The following ROBO2 variants were observed in gnomAD, a reference collection of about 807,000 sequenced individuals.
The protein encoded by ROBO2 is roundabout homolog 2.
A neutral mutation model predicts 160.8 loss-of-function variants in ROBO2; 53 were observed. The ratio of observed to expected loss-of-function variants is 0.33; its 90% CI spans 0.26 to 0.41. The LOEUF (loss-of-function observed/expected upper bound fraction) is 0.41. Ranked by LOEUF, ROBO2 falls within the 10% of genes least tolerant of loss-of-function variation. ROBO2 has a pLI of 1.00. For missense variants in ROBO2, 1,577 were observed against 1,722.4 expected (o/e 0.92, Z 1.49); for synonymous variants, 664 against 611.7 (o/e 1.09, Z -1.26).
intron 2 of ROBO2, among the ~76,000 whole-genome samples, chr3:76,285,587 T>G (rs1033616718): frequency 1.3e-5 from 2 of 152,064 alleles, no homozygotes; most frequent in East Asian, 3.9e-4. Flanking sequence ...AATCGAATGT[T>G]CTTTTACATT....
In ROBO2 at chr3:76,024,065, T is replaced by C. The variant is rs191188388; in HGVS notation, c.109+86463T>C. Among the ~76,000 whole-genome samples the C allele has an allele frequency of 7.9e-5, 12 of 151,642 alleles. No homozygotes were observed. In the East Asian group the frequency reaches 2.3e-3, roughly 29 times the overall value. On this transcript the variant is annotated intron_variant, in intron 2 of 26. Coordinates refer to the ROBO2 transcript ENST00000487694. ...GTTTAACATCATCTCATTAGTTATA[T>C]ATATATTATATTCAGAATGTTTTCT...
intron 2 of ROBO2, among the ~76,000 whole-genome samples, chr3:77,388,141 T>TAC (rs60937023): frequency 0.045 from 6,548 of 146,944 alleles, 156 homozygotes; most frequent in East Asian, 0.078. Flanking sequence ...GATTCACACA[T>TAC]ACACACACAC....
chr3:76,801,851 C>T (rs2064224259), intron 2 of ROBO2, among the ~76,000 whole-genome samples: 1 of 152,110 alleles, frequency 6.6e-6, no homozygotes, highest in Non-Finnish European at 1.5e-5. Context: ...ACATGTGACT[C>T]CTTTTTTCAC....
chr3:77,601,005 A>G (rs1371510126), intron 19 of ROBO2, among the ~76,000 whole-genome samples: 1 of 152,208 alleles, frequency 6.6e-6, no homozygotes, highest in Non-Finnish European at 1.5e-5. Context: ...AACAAGCTCC[A>G]AACTTCAAAA....
chr3:77,051,909 G>A (rs1292319248), intron 1 of ROBO2, among the ~76,000 whole-genome samples: 2 of 152,164 alleles, frequency 1.3e-5, no homozygotes, highest in East Asian at 1.9e-4. Context: ...TACAGCAAGC[G>A]GACACGCTGA....
intron 2 of ROBO2, among the ~76,000 whole-genome samples, chr3:76,568,159 T>C (rs2084719661): frequency 6.6e-6 from 1 of 152,024 alleles, no homozygotes; most frequent in Non-Finnish European, 1.5e-5. Flanking sequence ...GCCTGCATAG[T>C]ATTCAACTAC....
intron 2 of ROBO2, among the ~76,000 whole-genome samples, chr3:76,768,033 G>T (rs1366550597): frequency 6.6e-6 from 1 of 151,358 alleles, no homozygotes; most frequent in African/African-American, 2.4e-5. Context: ...TAGCCAATTG[G>T]CACTGATACA....
intron 2 of ROBO2, among the ~76,000 whole-genome samples, chr3:76,911,914 A>T (rs1275349847): frequency 6.6e-6 from 1 of 152,110 alleles, no homozygotes; most frequent in African/African-American, 2.4e-5. Flanking sequence ...GGTTGCAGTG[A>T]GCTGTAATTG....
At chr3:76,975,205 C>A (rs772347657) in intron 2 of ROBO2, among the ~76,000 whole-genome samples, 3 of 152,092 alleles carry the variant, frequency 2.0e-5, no homozygotes, top group Non-Finnish European at 2.9e-5. Context: ...AGGCTTCAGA[C>A]CACATGTTAG....
chr3:77,059,362 A>G (rs1176086141), intron 1 of ROBO2, among the ~76,000 whole-genome samples: 2 of 152,228 alleles, frequency 1.3e-5, no homozygotes, highest in African/African-American at 4.8e-5. Flanking sequence ...TAAAAGAAAA[A>G]GGTAAGTACA....
intron 2 of ROBO2, among the ~76,000 whole-genome samples, chr3:76,701,563 T>C (rs1223772400): frequency 6.6e-6 from 1 of 152,192 alleles, no homozygotes; most frequent in Admixed American, 6.6e-5. Flanking sequence ...TGTTCAAGGC[T>C]TGCTCTTGAA....
intron 2 of ROBO2, among the ~76,000 whole-genome samples, chr3:77,283,490 C>T (rs866172750): frequency 2.6e-5 from 4 of 152,106 alleles, no homozygotes; most frequent in Admixed American, 6.6e-5. Flanking sequence ...ACTTCTAAAA[C>T]GTATAAGTGA....
In ROBO2 at chr3:77,143,174, C is replaced by CTTTTT. The variant is rs10546673; in HGVS notation, c.388+44860_388+44864dup. Reference sequence around the variant, plus strand: ...CAGACACCATTTTCTTAAACAGCAGCTTTTTTTTTTTTTTTTTTTTTTTTT... The same window carrying CTTTTT: ...CAGACACCATTTTCTTAAACAGCAGCTTTTTTTTTTTTTTTTTTTTTTTTTTTTTT... On this transcript the variant is annotated intron_variant, in intron 2 of 25. Coordinates refer to ENST00000461745, the Ensembl canonical transcript of ROBO2. Among the ~76,000 whole-genome samples the CTTTTT allele has an allele frequency of 8.4e-4, 50 of 59,718 alleles. 1 individual carries two copies. Among genetic ancestry groups the CTTTTT allele is most frequent in the African/African-American group, 2.7e-3 (43 of 15,682 alleles). The allele number at this position is 59,718 out of a possible 152,430, so 39.2% of individuals were successfully genotyped here.
intron 2 of ROBO2, among the ~76,000 whole-genome samples, chr3:76,764,522 C>T (rs2061473902): frequency 6.6e-6 from 1 of 151,698 alleles, no homozygotes; most frequent in Non-Finnish European, 1.5e-5. Context: ...AAACTCTTGA[C>T]CATGATTAAA....
At chr3:76,444,257 C>T (rs796435788) in intron 2 of ROBO2, among the ~76,000 whole-genome samples, 19 of 152,150 alleles carry the variant, frequency 1.2e-4, no homozygotes, top group South Asian at 4.2e-4. Context: ...GGATTACAGG[C>T]GTGAGGCACT....
intron 6 of ROBO2, among the ~76,000 whole-genome samples, chr3:77,530,792 A>G (rs532351195): frequency 5.9e-5 from 9 of 152,160 alleles, no homozygotes; most frequent in Admixed American, 5.2e-4. Context: ...AAAGAAAAGT[A>G]CATCGTAGGA....
intron 13 of ROBO2, among the ~76,000 whole-genome samples, chr3:77,572,498 C>CT (rs200678253): frequency 1.5e-3 from 227 of 147,054 alleles, no homozygotes; most frequent in African/African-American, 4.1e-3. Context: ...CCTGGGCTCA[C>CT]TTTTTTTTTT....
At chr3:77,110,734 C>G (rs540409410) in intron 2 of ROBO2, among the ~76,000 whole-genome samples, 7 of 151,776 alleles carry the variant, frequency 4.6e-5, no homozygotes, top group Non-Finnish European at 8.8e-5. Context: ...CACTCTGTCA[C>G]TCAGGCTGGA....
intron 1 of ROBO2, among the ~76,000 whole-genome samples, chr3:77,070,897 T>C (rs2067340192): frequency 6.6e-6 from 1 of 152,048 alleles, no homozygotes; most frequent in African/African-American, 2.4e-5. Flanking sequence ...TGAGAGGTGC[T>C]CAGTACAAAT....
Sources: allele counts gnomAD v4.1 joint callset (sites outside exome capture counted in the v4.1 genomes callset), GRCh38; gene constraint gnomAD v4.1.1; transcripts MANE v1.5; gene names NCBI Gene and HGNC (gene_info 2026-07-23, HGNC 2026-07-21).